The following EXT1 variants were observed in gnomAD, a reference collection of about 807,000 sequenced individuals.
EXT1 encodes the protein exostosin-1.
Under a neutral mutation model 82.5 loss-of-function variants are expected in EXT1, and 20 were observed. That is an observed-to-expected ratio of 0.24 (90% CI 0.17 to 0.35). The LOEUF (loss-of-function observed/expected upper bound fraction) is 0.35, where lower values mean the gene tolerates loss of function less well. Ranked by LOEUF, EXT1 falls within the 10% of genes least tolerant of loss-of-function variation. The pLI is 1.00. For missense variants in EXT1, 757 were observed against 936.5 expected (o/e 0.81, Z 2.50); for synonymous variants, 348 against 350.8 (o/e 0.99, Z 0.09).
At chr8:118,015,224 C>T (rs886143519) in intron 1 of EXT1, among the ~76,000 whole-genome samples, 2 of 152,230 alleles carry the variant, frequency 1.3e-5, no homozygotes, top group East Asian at 1.9e-4. Flanking sequence ...GCTGACGCCA[C>T]ATCTGCTCGG....
intron 1 of EXT1, among the ~76,000 whole-genome samples, chr8:118,090,543 C>T (rs866537545): frequency 7.9e-5 from 12 of 151,966 alleles, no homozygotes; most frequent in Middle Eastern, 6.8e-3. Flanking sequence ...TTTGGGAGGC[C>T]GAGGCAGGCA....
intron 1 of EXT1, among the ~76,000 whole-genome samples, chr8:117,874,109 C>A (rs1283562586): frequency 2.0e-5 from 3 of 152,150 alleles, no homozygotes; most frequent in Non-Finnish European, 4.4e-5. Context: ...CAGTCTAGTT[C>A]ATTCTAACAA....
At chr8:118,106,001 A>G (rs1332551041) in intron 1 of EXT1, among the ~76,000 whole-genome samples, 1 of 152,216 alleles carries the variant, frequency 6.6e-6, no homozygotes, top group Non-Finnish European at 1.5e-5. Context: ...TGAAAGGTTC[A>G]AAAAACTCCT....
chr8:117,856,744 T>C (rs1022926823), intron 1 of EXT1, among the ~76,000 whole-genome samples: 5 of 152,090 alleles, frequency 3.3e-5, no homozygotes, highest in Admixed American at 2.0e-4. Context: ...CATAAGATCA[T>C]TGATGAGGTG....
chr8:118,055,513 A>G (rs1329081638), intron 1 of EXT1, among the ~76,000 whole-genome samples: 2 of 152,190 alleles, frequency 1.3e-5, no homozygotes, highest in African/African-American at 4.8e-5. Flanking sequence ...CAGATCATAC[A>G]GCTGTATTAA....
At chr8:118,059,954 C>T (rs1182144874) in intron 1 of EXT1, among the ~76,000 whole-genome samples, 1 of 152,016 alleles carries the variant, frequency 6.6e-6, no homozygotes. Flanking sequence ...AACTGTTCAC[C>T]AAAGAACACA....
intron 1 of EXT1, among the ~76,000 whole-genome samples, chr8:118,067,257 C>A (rs552377332): frequency 9.2e-5 from 14 of 152,250 alleles, no homozygotes; most frequent in African/African-American, 1.4e-4. Context: ...TGGCTGGAGA[C>A]GTCTTCCTCC....
Position 117,968,631 on chromosome 8 carries a change from T to G in EXT1, c.963-131430A>C, listed in dbSNP as rs1160268470. Among the ~76,000 whole-genome samples the G allele has an allele frequency of 6.9e-5, 7 of 101,744 alleles. 2 individuals are homozygous for G. In the East Asian group the frequency reaches 1.2e-3, roughly 17 times the overall value. 66.7% of individuals were successfully genotyped at this position (101,744 alleles called of 152,430 possible). A position where few individuals can be genotyped will look rare whatever the true frequency, so the allele number is the denominator to read the frequency against. On this transcript the variant is annotated intron_variant, in intron 1 of 10. Transcript: ENST00000378204. ...GTCACCCAGGCTGGAGTGCAGTGGC[T>G]TGATCTCGGCTCACTGCAAGCTCCA...
At chr8:118,104,356 A>G (rs773097639) in intron 1 of EXT1, among the ~76,000 whole-genome samples, 39 of 152,234 alleles carry the variant, frequency 2.6e-4, no homozygotes, top group Non-Finnish European at 4.6e-4. Context: ...TTATCTAAAG[A>G]AAGTTAATTC....
At chr8:117,804,481 T>C (rs985257803) in intron 10 of EXT1, among the ~76,000 whole-genome samples, 16 of 152,234 alleles carry the variant, frequency 1.1e-4, no homozygotes, top group Non-Finnish European at 2.4e-4. Flanking sequence ...ATCTTTCTCA[T>C]GTCACCTTAA....
chr8:118,110,073 CCAGA>C lies in EXT1; in HGVS notation c.962+8_962+11del, dbSNP rs138812713. 6,261 of 1,613,728 alleles carry C rather than the reference CCAGA, an allele frequency of 3.9e-3. 202 individuals are homozygous for C. The African/African-American group carries it at 0.071, about 18-fold the overall frequency. On this transcript the variant is annotated splice_region_variant and intron_variant, in intron 1 of 10. Coordinates refer to ENST00000378204, the MANE Select transcript of EXT1 (RefSeq NM_000127.3). ...GGCTGACTCCCAAAGACACGCCAGC[CCAGA>C]CACTTACTTCTCATACTCGGTGTTG...
At chr8:118,029,219 A>G (rs1055115689) in intron 1 of EXT1, among the ~76,000 whole-genome samples, 1 of 152,162 alleles carries the variant, frequency 6.6e-6, no homozygotes, top group Admixed American at 6.5e-5. Context: ...GCTTGAAGCC[A>G]GGAGTTCAAG....
chr8:118,074,533 C>T (rs1817168955), intron 1 of EXT1, among the ~76,000 whole-genome samples: 1 of 151,532 alleles, frequency 6.6e-6, no homozygotes, highest in Non-Finnish European at 1.5e-5. Context: ...CGGCCACCAC[C>T]TTAGTTGCCT....
At chr8:117,899,636 T>A (rs1343152957) in intron 1 of EXT1, among the ~76,000 whole-genome samples, 2 of 152,046 alleles carry the variant, frequency 1.3e-5, no homozygotes, top group Admixed American at 6.6e-5. Context: ...AACAGCTACA[T>A]AAATCTATTA....
chr8:118,021,023 T>C (rs1319028274), intron 1 of EXT1, among the ~76,000 whole-genome samples: 6 of 152,230 alleles, frequency 3.9e-5, no homozygotes, highest in African/African-American at 1.4e-4. Context: ...GTATTTTGTA[T>C]GTAAGAACAA....
chr8:117,860,695 C>A (rs1002303123), intron 1 of EXT1, among the ~76,000 whole-genome samples: 1 of 152,196 alleles, frequency 6.6e-6, no homozygotes, highest in African/African-American at 2.4e-5. Context: ...ATTTTCAAAT[C>A]ATGAGATTTC....
intron 1 of EXT1, among the ~76,000 whole-genome samples, chr8:118,025,718 A>T (rs1172340105): frequency 6.6e-6 from 1 of 152,182 alleles, no homozygotes; most frequent in Non-Finnish European, 1.5e-5. Context: ...GGAGAAAAAA[A>T]TGTGATGAAG....
At chr8:118,060,165 G>T (rs968727193) in intron 1 of EXT1, among the ~76,000 whole-genome samples, 1 of 152,086 alleles carries the variant, frequency 6.6e-6, no homozygotes, top group Non-Finnish European at 1.5e-5. Flanking sequence ...TTTCTTATGC[G>T]TTATGTTCTT....
intron 8 of EXT1, among the ~76,000 whole-genome samples, chr8:117,809,218 A>AACATATATATATATATATATATAT (rs71569748): frequency 3.7e-4 from 40 of 107,930 alleles, no homozygotes; most frequent in African/African-American, 1.2e-3. Flanking sequence ...TGTGTGTATA[A>AACATATATATATATATATATATAT]ATATATATAT....
Sources: allele counts gnomAD v4.1 joint callset (sites outside exome capture counted in the v4.1 genomes callset), GRCh38; gene constraint gnomAD v4.1.1; transcripts MANE v1.5; gene names NCBI Gene and HGNC (gene_info 2026-07-23, HGNC 2026-07-21).